NRCAM: variants seen among roughly 807,000 people sequenced by gnomAD.
NRCAM encodes NgCAM-related cell adhesion molecule.
NRCAM carries 83 observed loss-of-function variants against 156.5 expected under a neutral mutation model. That is an observed-to-expected ratio of 0.53 (90% confidence interval 0.44 to 0.64). The LOEUF (loss-of-function observed/expected upper bound fraction) is 0.64, where lower values mean the gene tolerates loss of function less well. Ranked by LOEUF, NRCAM falls within the 30% of genes least tolerant of loss-of-function variation. The pLI, the probability that NRCAM is intolerant of heterozygous loss-of-function variation, is 0.00. For synonymous variants in NRCAM, 538 were observed against 563.9 expected (o/e 0.95, Z 0.65); for missense variants, 1,417 against 1,597.3 (o/e 0.89, Z 1.92).
At chr7:108,268,728 C>T (rs2097216806) in intron 3 of NRCAM, among the ~76,000 whole-genome samples, 1 of 151,408 alleles carries the variant, frequency 6.6e-6, no homozygotes, top group East Asian at 1.9e-4. Flanking sequence ...GATTGTTCTA[C>T]AGTGTTAGTG....
At chr7:108,421,708 A>G (rs567388252) in intron 1 of NRCAM, among the ~76,000 whole-genome samples, 1 of 152,338 alleles carries the variant, frequency 6.6e-6, no homozygotes, top group East Asian at 1.9e-4. Flanking sequence ...AAGCTATTCA[A>G]TCTACAACTT....
chr7:108,323,929 G>A (rs538221131), intron 2 of NRCAM, among the ~76,000 whole-genome samples: 14 of 152,166 alleles, frequency 9.2e-5, no homozygotes, highest in African/African-American at 2.6e-4. Context: ...TGAAAGTTCC[G>A]GGCAAATCCA....
chr7:108,388,813 G>A (rs1429392449), intron 2 of NRCAM, among the ~76,000 whole-genome samples: 5 of 152,186 alleles, frequency 3.3e-5, no homozygotes, highest in Non-Finnish European at 4.4e-5. Context: ...TTATTAAATA[G>A]GGAATCCTTT....
At chr7:108,270,823 C>T (rs2154045241) in intron 3 of NRCAM, among the ~76,000 whole-genome samples, 1 of 152,234 alleles carries the variant, frequency 6.6e-6, no homozygotes. Flanking sequence ...CCAGAATAGT[C>T]AAATGTGAGA....
intron 15 of NRCAM, 54 bp downstream of exon 15, chr7:108,195,707 G>A: frequency 1.0e-6 from 1 of 962,682 alleles, no homozygotes; most frequent in Non-Finnish European, 1.7e-6. Context: ...TTTAGAATAT[G>A]AAGCCTTTAG....
chr7:108,201,956 G>A (rs2078388837), intron 13 of NRCAM, among the ~76,000 whole-genome samples: 1 of 152,188 alleles, frequency 6.6e-6, no homozygotes, highest in South Asian at 2.1e-4. Context: ...CTGTCACGGT[G>A]ACATATGGAG....
chr7:108,378,239 C>T (rs141642206), intron 2 of NRCAM, among the ~76,000 whole-genome samples: 29 of 151,858 alleles, frequency 1.9e-4, no homozygotes, highest in Non-Finnish European at 3.5e-4. Flanking sequence ...AATACTTAAG[C>T]AAAGAGCATG....
intron 1 of NRCAM, among the ~76,000 whole-genome samples, chr7:108,407,033 TA>T (rs1164819016): frequency 2.0e-5 from 3 of 152,204 alleles, no homozygotes; most frequent in Non-Finnish European, 2.9e-5. Context: ...TTCCAAAATA[TA>T]AAAAGTAAAG....
At chr7:108,188,049 C>G (rs1180183300) in intron 20 of NRCAM, among the ~76,000 whole-genome samples, 1 of 152,138 alleles carries the variant, frequency 6.6e-6, no homozygotes, top group Non-Finnish European at 1.5e-5. Flanking sequence ...GGAAGACCTT[C>G]AGACCACAAT....
chr7:108,224,561 G>A (rs1457080382), intron 10 of NRCAM, among the ~76,000 whole-genome samples: 1 of 152,092 alleles, frequency 6.6e-6, no homozygotes, highest in Non-Finnish European at 1.5e-5. Flanking sequence ...CTTATCTTCT[G>A]AAGGTTTCTT....
At chr7:108,328,792 A>G (rs934600802) in intron 2 of NRCAM, 1 of 152,240 alleles carries the variant, frequency 6.6e-6, no homozygotes, top group Admixed American at 6.5e-5. Context: ...ATTTTCACCT[A>G]TGAGGGGGAG....
At chr7:108,426,941 T>C (rs1818046496) in intron 1 of NRCAM, among the ~76,000 whole-genome samples, 2 of 152,194 alleles carry the variant, frequency 1.3e-5, no homozygotes, top group Non-Finnish European at 1.5e-5. Flanking sequence ...TTGCTCCCCA[T>C]TGTGCAGTGG....
chr7:108,419,015 T>G (rs1563724545), intron 1 of NRCAM, among the ~76,000 whole-genome samples: 1 of 152,090 alleles, frequency 6.6e-6, no homozygotes, highest in African/African-American at 2.4e-5. Context: ...ACAGGATATA[T>G]GTATACTTAA....
At chr7:108,223,127 G>T (rs1484851578) in intron 11 of NRCAM, among the ~76,000 whole-genome samples, 3 of 152,174 alleles carry the variant, frequency 2.0e-5, no homozygotes, top group African/African-American at 7.2e-5. Context: ...AGGAGAATAA[G>T]CCAGGACAAG....
chr7:108,218,112 G>C (rs2090333278), intron 11 of NRCAM, among the ~76,000 whole-genome samples: 1 of 151,920 alleles, frequency 6.6e-6, no homozygotes, highest in Admixed American at 6.6e-5. Context: ...CATACTATCT[G>C]GGCCGGAATG....
At chr7:108,314,218 T>C (rs1436700423) in intron 2 of NRCAM, among the ~76,000 whole-genome samples, 1 of 152,202 alleles carries the variant, frequency 6.6e-6, no homozygotes, top group African/African-American at 2.4e-5. Flanking sequence ...ACCAAAAGAC[T>C]GTATTAATTG....
In NRCAM at chr7:108,207,508, A is replaced by T. The variant is rs1186008011; in HGVS notation, c.1207+20T>A. The T allele has an allele frequency of 2.5e-6, 4 of 1,611,852 alleles. No homozygotes were observed. The highest frequency in any genetic ancestry group is 1.1e-5 in the South Asian group (1 of 90,626). ...TGCTCTGAAAATATACTGCAATTAG[A>T]ACCACTCAAGGCAACTTACTTTCTA... On this transcript the variant is annotated intron_variant, in intron 13 of 32. Coordinates refer to ENST00000379028, the MANE Select transcript of NRCAM (RefSeq NM_001037132.4).
chr7:108,449,706 T>C (rs995310), intron 1 of NRCAM, among the ~76,000 whole-genome samples: 31,771 of 152,126 alleles, frequency 0.21, 3,745 homozygotes, highest in East Asian at 0.36. Context: ...AATCATGCCA[T>C]TCAAATGCCA....
chr7:108,425,341 T>C (rs546145901), intron 1 of NRCAM, among the ~76,000 whole-genome samples: 1 of 152,350 alleles, frequency 6.6e-6, no homozygotes, highest in South Asian at 2.1e-4. Flanking sequence ...TCTCCCAATA[T>C]ACATGGAGAC....
Sources: allele counts gnomAD v4.1 joint callset (sites outside exome capture counted in the v4.1 genomes callset), GRCh38; gene constraint gnomAD v4.1.1; transcripts MANE v1.5; gene names NCBI Gene and HGNC (gene_info 2026-07-23, HGNC 2026-07-21).